L3MBTL4: variants seen among roughly 807,000 people sequenced by gnomAD.
L3MBTL4 encodes L3MBTL histone methyl-lysine binding protein 4.
A neutral mutation model predicts 84.5 loss-of-function variants in L3MBTL4; 70 were observed. That is an observed-to-expected ratio of 0.83 (90% CI 0.68 to 1.01). The LOEUF (loss-of-function observed/expected upper bound fraction) is 1.01. Ranked by LOEUF, L3MBTL4 falls within the 50% of genes least tolerant of loss-of-function variation. The probability of loss-of-function intolerance (pLI) is 0.00; values close to 1 mark genes in which losing one functional copy is unlikely to be tolerated. For synonymous variants in L3MBTL4, 274 were observed against 259.8 expected (o/e 1.05, Z -0.52); for missense variants, 715 against 754.8 (o/e 0.95, Z 0.62).
chr18:6,068,727 C>T (rs1352026487), intron 16 of L3MBTL4, among the ~76,000 whole-genome samples: 1 of 152,192 alleles, frequency 6.6e-6, no homozygotes, highest in Non-Finnish European at 1.5e-5. Flanking sequence ...AAAGGACCCC[C>T]TTTCCAAGCC....
At chr18:5,986,237 C>T (rs557312969) in intron 16 of L3MBTL4, among the ~76,000 whole-genome samples, 152 of 152,276 alleles carry the variant, frequency 1.0e-3, no homozygotes, top group African/African-American at 3.1e-3. Flanking sequence ...ATTTCATATA[C>T]GATGGTATTT....
At chr18:5,991,136 T>A (rs985597127) in intron 16 of L3MBTL4, among the ~76,000 whole-genome samples, 1 of 152,116 alleles carries the variant, frequency 6.6e-6, no homozygotes, top group Admixed American at 6.5e-5. Context: ...AAGTTCAGAT[T>A]AAATGGCACT....
intron 16 of L3MBTL4, among the ~76,000 whole-genome samples, chr18:6,021,790 G>A (rs1384458808): frequency 6.6e-6 from 1 of 152,088 alleles, no homozygotes; most frequent in Non-Finnish European, 1.5e-5. Context: ...GGGTTTATCA[G>A]CCTCCCTGCC....
intron 16 of L3MBTL4, among the ~76,000 whole-genome samples, chr18:5,995,096 C>A (rs745792177): frequency 6.6e-6 from 1 of 152,252 alleles, no homozygotes; most frequent in Non-Finnish European, 1.5e-5. Context: ...ACACTCATAG[C>A]GCCAGCTAGA....
chr18:6,190,237 T>C (rs1168047223), intron 12 of L3MBTL4, among the ~76,000 whole-genome samples: 1 of 152,144 alleles, frequency 6.6e-6, no homozygotes, highest in South Asian at 2.1e-4. Context: ...AATTAATCTA[T>C]AATAAAACAG....
At chr18:6,018,459 C>T (rs1308514964) in intron 16 of L3MBTL4, among the ~76,000 whole-genome samples, 2 of 152,142 alleles carry the variant, frequency 1.3e-5, no homozygotes, top group Non-Finnish European at 2.9e-5. Flanking sequence ...GACACCAACC[C>T]CTTTTCCTAC....
chr18:6,182,153 C>T (rs1202209827), intron 12 of L3MBTL4, among the ~76,000 whole-genome samples: 1 of 152,160 alleles, frequency 6.6e-6, no homozygotes, highest in Non-Finnish European at 1.5e-5. Flanking sequence ...ACAATCTTGC[C>T]AGTATCTGTT....
rs539785485 is a variant in L3MBTL4, at chr18:6,343,692, A to G, written c.-90-31636T>C. On this transcript the variant is annotated intron_variant, in intron 1 of 18. Coordinates refer to ENST00000317931, the MANE Select transcript of L3MBTL4 (RefSeq NM_001330559.2). ...AAAAAAAAAAAAGAAGTTGTAAATC[A>G]TGTCAAGTAACTTTTTCAGCCACAA... Among the ~76,000 whole-genome samples, 6 of 151,698 alleles carry G rather than the reference A, an allele frequency of 4.0e-5. No individual in the cohort carries two copies. In the South Asian group the frequency reaches 1.0e-3, roughly 26 times the overall value.
At chr18:6,167,755 T>A (rs886094825) in intron 13 of L3MBTL4, among the ~76,000 whole-genome samples, 6 of 152,312 alleles carry the variant, frequency 3.9e-5, no homozygotes, top group African/African-American at 1.4e-4. Flanking sequence ...GCATTCCCTT[T>A]GAAAACTGGC....
chr18:6,163,310 TGGGTG>T (rs2043458501), intron 13 of L3MBTL4, among the ~76,000 whole-genome samples: 1 of 127,086 alleles, frequency 7.9e-6, no homozygotes, highest in Admixed American at 8.9e-5. Context: ...TGTGTGTGGG[TGGGTG>T]TGTATTTTTG....
intron 12 of L3MBTL4, among the ~76,000 whole-genome samples, chr18:6,200,732 T>C (rs1268017037): frequency 6.6e-6 from 1 of 152,232 alleles, no homozygotes; most frequent in African/African-American, 2.4e-5. Flanking sequence ...TCAAATATTA[T>C]GTAATTCTCA....
chr18:6,311,497 G>T, intron 3 of L3MBTL4, 57 bp downstream of exon 3: 2 of 1,400,462 alleles, frequency 1.4e-6, no homozygotes, highest in Non-Finnish European at 2.0e-6. Context: ...CTATTCCATG[G>T]TGCATTTTGG....
intron 14 of L3MBTL4, among the ~76,000 whole-genome samples, chr18:6,100,872 C>T (rs1321456038): frequency 6.6e-6 from 1 of 152,244 alleles, no homozygotes; most frequent in Non-Finnish European, 1.5e-5. Context: ...GGACACTGCA[C>T]TACCACTGGA....
At chr18:6,385,582 C>A (rs1466031808) in intron 1 of L3MBTL4, among the ~76,000 whole-genome samples, 1 of 152,152 alleles carries the variant, frequency 6.6e-6, no homozygotes, top group Non-Finnish European at 1.5e-5. Context: ...CCATTCAAAG[C>A]AACACTTGGT....
intron 16 of L3MBTL4, among the ~76,000 whole-genome samples, chr18:6,043,072 C>A (rs927461782): frequency 2.0e-5 from 3 of 152,262 alleles, no homozygotes; most frequent in Admixed American, 2.0e-4. Flanking sequence ...CTGTCTCACA[C>A]CCCCATTATC....
intron 6 of L3MBTL4, among the ~76,000 whole-genome samples, chr18:6,244,124 T>A (rs1342208745): frequency 6.6e-6 from 1 of 152,226 alleles, no homozygotes. Flanking sequence ...ATATAATTCA[T>A]ATGCATTAAT....
chr18:6,192,799 A>G (rs2045180839), intron 12 of L3MBTL4, among the ~76,000 whole-genome samples: 1 of 152,194 alleles, frequency 6.6e-6, no homozygotes, highest in African/African-American at 2.4e-5. Flanking sequence ...CAGAGCAGGC[A>G]GAGAGCAAAC....
chr18:6,052,442 C>T (rs2056873182), intron 16 of L3MBTL4, among the ~76,000 whole-genome samples: 1 of 152,150 alleles, frequency 6.6e-6, no homozygotes, highest in African/African-American at 2.4e-5. Flanking sequence ...ATATAGCTAA[C>T]TTTTAATAAA....
chr18:6,284,842 T>C (rs2049491669), intron 4 of L3MBTL4, among the ~76,000 whole-genome samples: 2 of 152,098 alleles, frequency 1.3e-5, no homozygotes, highest in Non-Finnish European at 2.9e-5. Context: ...GAGCCCAAAC[T>C]GGTAGGAGGG....
Sources: gnomAD v4.1 joint callset for allele counts (sites outside exome capture counted in the v4.1 genomes callset) on GRCh38, gnomAD v4.1.1 for gene constraint, MANE v1.5 for transcripts, NCBI Gene and HGNC (gene_info 2026-07-23, HGNC 2026-07-21) for gene names.